Variants in SSU72L6 observed in about 807,000 individuals in gnomAD.
SSU72L6 encodes RNA polymerase II subunit A C-terminal domain phosphatase SSU72 like protein 6.
At chr7:124,476,525 C>A in the SSU72L6 span, 6 of 780,704 alleles carry the variant, frequency 7.7e-6, no homozygotes, top group East Asian at 2.4e-5. Context: ...CCCAATCATC[C>A]TGTAGTTTAC....
At chr7:124,476,417 T>A in the SSU72L6 span, 1 of 779,468 alleles carries the variant, frequency 1.3e-6, no homozygotes, top group South Asian at 1.3e-5. Context: ...GTGAGCAACA[T>A]CAACAGGAGC....
the SSU72L6 span, among the ~76,000 whole-genome samples, chr7:124,477,338 T>C: frequency 2.0e-5 from 3 of 152,124 alleles, no homozygotes; most frequent in African/African-American, 4.8e-5. Flanking sequence ...ATTGTATAGA[T>C]AAGCACCTTT....
the SSU72L6 span, chr7:124,476,567 A>G: frequency 5.1e-6 from 4 of 780,704 alleles, no homozygotes; most frequent in Non-Finnish European, 9.6e-6. Flanking sequence ...GAGATGTACA[A>G]TGACCTCCTC....
the SSU72L6 span, chr7:124,476,683 T>C: frequency 1.3e-6 from 1 of 780,732 alleles, no homozygotes; most frequent in Non-Finnish European, 2.4e-6. Flanking sequence ...CACTGAATTC[T>C]TTGATGTCAT....
At chr7:124,476,704 G>A in the SSU72L6 span, 1 of 780,686 alleles carries the variant, frequency 1.3e-6, no homozygotes, top group African/African-American at 1.7e-5. Flanking sequence ...CTTTACCTGT[G>A]AGGAGCGTGT....
the SSU72L6 span, among the ~76,000 whole-genome samples, chr7:124,477,416 A>G: frequency 1.3e-5 from 2 of 151,554 alleles, no homozygotes; most frequent in Admixed American, 1.3e-4. Context: ...AAGTTATTTG[A>G]GACCAATGGA....
the SSU72L6 span, chr7:124,476,507 G>A: frequency 1.5e-5 from 12 of 780,542 alleles, no homozygotes; most frequent in Non-Finnish European, 2.9e-5. Context: ...AGGCTACCAG[G>A]ACGAAGACCC....
chr7:124,477,399 A>G, the SSU72L6 span, among the ~76,000 whole-genome samples: 1 of 151,754 alleles, frequency 6.6e-6, no homozygotes, highest in Non-Finnish European at 1.5e-5. Context: ...TAATTTTTAA[A>G]TTTTTTAAGT....
At chr7:124,476,530 G>GTTTACGATT in the SSU72L6 span, 1 of 780,680 alleles carries the variant, frequency 1.3e-6, no homozygotes, top group East Asian at 2.4e-5. Flanking sequence ...TCATCCTGTA[G>GTTTACGATT]TTTACGATTT....
At chr7:124,476,946 C>A in the SSU72L6 span, 2 of 753,002 alleles carry the variant, frequency 2.7e-6, no homozygotes, top group Non-Finnish European at 4.9e-6. Context: ...ACACCGTCTG[C>A]TTCTACTGAA....
chr7:124,476,928 C>G, the SSU72L6 span: 1 of 762,108 alleles, frequency 1.3e-6, no homozygotes, highest in Non-Finnish European at 2.4e-6. Context: ...CAGGAAAAAG[C>G]TTTCTTCACA....
At chr7:124,477,021 A>T in the SSU72L6 span, 1 of 637,458 alleles carries the variant, frequency 1.6e-6, no homozygotes, top group South Asian at 1.8e-5. Context: ...GTCCAGATTG[A>T]TTGTGAGAAG....
the SSU72L6 span, chr7:124,476,617 C>T: frequency 1.3e-6 from 1 of 780,690 alleles, no homozygotes; most frequent in Non-Finnish European, 2.4e-6. Context: ...TGGAATCTTA[C>T]ACATCTTGGG....
chr7:124,476,820 G>A, the SSU72L6 span: 2 of 773,536 alleles, frequency 2.6e-6, no homozygotes, highest in African/African-American at 3.4e-5. Context: ...GTGCCATCCT[G>A]GGAGCTTTCC....
chr7:124,476,795 A>AC, the SSU72L6 span: 1 of 778,724 alleles, frequency 1.3e-6, no homozygotes, highest in Non-Finnish European at 2.4e-6. Flanking sequence ...ATGGACATCA[A>AC]AGATACCCTG....
chr7:124,476,447 T>G, the SSU72L6 span: 9 of 780,110 alleles, frequency 1.2e-5, no homozygotes, highest in Admixed American at 1.5e-4. Context: ...CACAGCATCC[T>G]CAGGAGAAAA....
the SSU72L6 span, chr7:124,476,969 C>T: frequency 1.4e-6 from 1 of 725,440 alleles, no homozygotes; most frequent in East Asian, 2.5e-5. Flanking sequence ...TCTGGGCTGG[C>T]TTTGTCTCCT....
the SSU72L6 span, chr7:124,476,445 C>A: frequency 1.3e-6 from 1 of 780,176 alleles, no homozygotes; most frequent in Admixed American, 1.7e-5. Context: ...CCCACAGCAT[C>A]CTCAGGAGAA....
chr7:124,476,538 T>C, the SSU72L6 span: 6 of 780,666 alleles, frequency 7.7e-6, no homozygotes, highest in Non-Finnish European at 1.4e-5. Context: ...TAGTTTACGA[T>C]TTTGCAACAA....
Sources: allele counts gnomAD v4.1 joint callset (sites outside exome capture counted in the v4.1 genomes callset), GRCh38; gene constraint gnomAD v4.1.1; transcripts MANE v1.5; gene names NCBI Gene and HGNC (gene_info 2026-07-23, HGNC 2026-07-21).